FBXO22: variants seen among roughly 807,000 people sequenced by gnomAD.
FBXO22 encodes the protein F-box protein 22, also known as F-box only protein 22.
In FBXO22, 13 loss-of-function variants were observed where a neutral mutation model predicts 37.2. The ratio of observed to expected loss-of-function variants is 0.35; its 90% CI spans 0.23 to 0.56. The LOEUF (loss-of-function observed/expected upper bound fraction) is 0.56. Among genes scored for constraint, FBXO22 ranks in the 20% least tolerant of loss-of-function variants. The pLI is 0.87. For synonymous variants in FBXO22, 189 were observed against 189.1 expected (o/e 1.00, Z 0.00); for missense variants, 446 against 509.9 (o/e 0.87, Z 1.21).
intron 2 of FBXO22, among the ~76,000 whole-genome samples, chr15:75,909,418 G>A (rs1899999491): frequency 6.6e-6 from 1 of 151,988 alleles, no homozygotes; most frequent in Non-Finnish European, 1.5e-5. Context: ...CCTGAAGGAA[G>A]CCTTGCTGGC....
chr15:75,930,027 C>G lies in FBXO22; in HGVS notation c.772C>G (p.Leu258Val). ...IILAGGQVDNLSSLTSEKNPL... is the reference protein window; with the variant it reads ...IILAGGQVDNVSSLTSEKNPL... ...CTTGGCTGGAGGCCAGGTGGACAAC[C>G]TGTCATCACTGACTTCTGAAAAGTA... The change falls in exon 6 of 7, where the codon CTG becomes GTG. Residue 258 changes from leucine to valine, a missense_variant. This residue lies in a region of FBXO22 where 315 missense variants were observed against 410.1 expected (regional missense o/e 0.77). Coordinates refer to ENST00000308275, the MANE Select transcript of FBXO22 (RefSeq NM_147188.3). The G allele has an allele frequency of 6.2e-7, 1 of 1,614,100 alleles. No homozygotes were observed. The highest frequency in any genetic ancestry group is 8.5e-7 in the Non-Finnish European group (1 of 1,179,958).
At chr15:75,922,752 T>G (rs1038792932) in intron 5 of FBXO22, among the ~76,000 whole-genome samples, 6 of 152,118 alleles carry the variant, frequency 3.9e-5, no homozygotes, top group African/African-American at 1.2e-4. Flanking sequence ...GAGACCACTT[T>G]AGAGTCCAGG....
Position 75,904,068 on chromosome 15 carries a change from C to T in FBXO22, c.105C>T (p.Thr35=), listed in dbSNP as rs1595908814. 6.4e-7 allele frequency: 1 copy of T among 1,552,160 alleles called. No homozygotes were observed. Among genetic ancestry groups the T allele is most frequent in the East Asian group, 2.4e-5 (1 of 41,448 alleles). The change falls in exon 1 of 7, where the codon ACC becomes ACT. Residue 35 remains threonine, a synonymous_variant. Transcript: ENST00000308275. The part of the protein sequence containing the change: ...NLAEVVERVL[T]FLPAKALLRV... Reference sequence around the variant, plus strand: ...CGGAGGTGGTGGAGCGTGTGCTCACCTTCCTGCCCGCCAAGGCGTTGCTGC... The same window carrying T: ...CGGAGGTGGTGGAGCGTGTGCTCACTTTCCTGCCCGCCAAGGCGTTGCTGC...
At chr15:75,930,923 C>A in intron 6 of FBXO22, 1 of 916,558 alleles carries the variant, frequency 1.1e-6, no homozygotes, top group Non-Finnish European at 1.3e-6. Flanking sequence ...TTCTGGTTAT[C>A]TCTATGAGCT....
chr15:75,905,701 T>A (rs909732290), intron 2 of FBXO22: 2 of 152,250 alleles, frequency 1.3e-5, no homozygotes, highest in Admixed American at 1.3e-4. Context: ...GAACAGTTTC[T>A]CAAGCTTTGC....
At chr15:75,910,144 C>T (rs932834148) in intron 2 of FBXO22, among the ~76,000 whole-genome samples, 20 of 152,218 alleles carry the variant, frequency 1.3e-4, no homozygotes, top group African/African-American at 2.4e-5. Context: ...ATCTGTGCCA[C>T]ATTTTCTTCA....
At chr15:75,922,603 G>T (rs1419391422) in intron 5 of FBXO22, among the ~76,000 whole-genome samples, 1 of 152,176 alleles carries the variant, frequency 6.6e-6, no homozygotes, top group Non-Finnish European at 1.5e-5. Flanking sequence ...GAAGTCATGG[G>T]AACAAAGGGT....
intron 2 of FBXO22, 21 bp from the exon 3 acceptor site, chr15:75,913,182 A>ATTTTTTTTTTTTTTT: frequency 1.7e-6 from 2 of 1,178,226 alleles, no homozygotes; most frequent in Admixed American, 2.1e-5. Flanking sequence ...TCCAATTCCA[A>ATTTTTTTTTTTTTTT]TTTTTTTTTT....
Position 75,941,429 on chromosome 15 carries a change from A to G in FBXO22, c.*8327A>G, listed in dbSNP as rs1266869998. On this transcript the variant is annotated 3_prime_UTR_variant, in exon 7 of 7. Coordinates refer to ENST00000308275, the MANE Select transcript of FBXO22 (RefSeq NM_147188.3). ...TCAGCAATTGCATTTCTGGGTATATACACAAAATAATTGAAAGCGGAGGCT... is the reference window on the plus strand; with the variant it reads ...TCAGCAATTGCATTTCTGGGTATATGCACAAAATAATTGAAAGCGGAGGCT... 1 of 152,220 alleles carries G rather than the reference A, an allele frequency of 6.6e-6. No homozygotes were observed. The highest frequency in any genetic ancestry group is 2.4e-5 in the African/African-American group (1 of 41,466). 9.4% of individuals were successfully genotyped at this position (152,220 alleles called of 1,614,324 possible).
intron 4 of FBXO22, among the ~76,000 whole-genome samples, chr15:75,915,137 A>G (rs770522093): frequency 2.0e-5 from 3 of 151,734 alleles, no homozygotes; most frequent in Non-Finnish European, 4.4e-5. Context: ...CACCTGGCTA[A>G]TTTTTGTATT....
intron 2 of FBXO22, among the ~76,000 whole-genome samples, chr15:75,908,631 C>T (rs541039902): frequency 4.7e-4 from 71 of 152,266 alleles, no homozygotes; most frequent in African/African-American, 1.6e-3. Context: ...TCAGATGACT[C>T]GAAGGTCAGG....
At chr15:75,923,793 C>T (rs1297629086) in intron 5 of FBXO22, among the ~76,000 whole-genome samples, 3 of 151,996 alleles carry the variant, frequency 2.0e-5, no homozygotes, top group Non-Finnish European at 4.4e-5. Flanking sequence ...ATGCAGGAGA[C>T]ACAGACTGTT....
intron 6 of FBXO22, among the ~76,000 whole-genome samples, chr15:75,931,494 T>TA (rs1369806725): frequency 6.6e-6 from 1 of 152,224 alleles, no homozygotes; most frequent in Admixed American, 6.5e-5. Flanking sequence ...GGAAATGTGA[T>TA]AAAGTTTTAA....
At position 75,940,929 on chromosome 15, in the gene FBXO22, GA is replaced by G. The variant is rs1196806879; in HGVS notation, c.*7833del. On this transcript the variant is annotated 3_prime_UTR_variant, in exon 7 of 7. Coordinates refer to ENST00000308275, the MANE Select transcript of FBXO22 (RefSeq NM_147188.3). ...GACACCAAATTCACAGACAACGAAA[GA>G]AAAAATAGGCAAATTATACTTCATT... The G allele has an allele frequency of 3.9e-5, 6 of 151,958 alleles. No individual in the cohort carries two copies. The highest frequency in any genetic ancestry group is 1.5e-4 in the African/African-American group (6 of 41,376). 9.4% of individuals were successfully genotyped at this position (151,958 alleles called of 1,614,324 possible).
At chr15:75,906,788 A>G (rs74024018) in intron 2 of FBXO22, among the ~76,000 whole-genome samples, 2,368 of 152,298 alleles carry the variant, frequency 0.016, 62 homozygotes, top group African/African-American at 0.054. Flanking sequence ...TCATTTGGAA[A>G]AATTCAAAAT....
chr15:75,933,207 CT>C lies in FBXO22; in HGVS notation c.*111del, dbSNP rs1226012975. On this transcript the variant is annotated 3_prime_UTR_variant, in exon 7 of 7. Transcript: ENST00000308275. ...CAAACAAAAATAACTTTAGATATAT[CT>C]TTTTTGTAGCTTTGATTGATGCTCT... is the stretch of plus-strand genomic sequence containing the variant. 25 of 936,822 alleles carry C rather than the reference CT, an allele frequency of 2.7e-5. No individual in the cohort carries two copies. The highest frequency in any genetic ancestry group is 3.7e-5 in the Non-Finnish European group (23 of 629,854). 58.0% of individuals were successfully genotyped at this position (936,822 alleles called of 1,614,324 possible).
intron 2 of FBXO22, among the ~76,000 whole-genome samples, chr15:75,905,234 G>T (rs1899901620): frequency 6.6e-6 from 1 of 152,200 alleles, no homozygotes; most frequent in African/African-American, 2.4e-5. Flanking sequence ...TTACCGGGAA[G>T]ACAACTGGGT....
At position 75,907,793 on chromosome 15, in the gene FBXO22, G is replaced by A. The variant is rs77164215; in HGVS notation, c.279+3164G>A. Among the ~76,000 whole-genome samples, 51 of 152,004 alleles carry A rather than the reference G, an allele frequency of 3.4e-4. No homozygotes were observed. The East Asian group carries it at 9.6e-3, about 29-fold the overall frequency. On this transcript the variant is annotated intron_variant, in intron 2 of 6. Transcript: ENST00000308275. ...TAAATAAAAATATTAAAGTACAAAAGTTGGCTGGGCATGTTAGTGCAAACC... is the reference window on the plus strand; with the variant it reads ...TAAATAAAAATATTAAAGTACAAAAATTGGCTGGGCATGTTAGTGCAAACC...
At position 75,940,470 on chromosome 15, in the gene FBXO22, T is replaced by C. The variant is rs1397828636; in HGVS notation, c.*7368T>C. On this transcript the variant is annotated 3_prime_UTR_variant, in exon 7 of 7. Coordinates refer to ENST00000308275, the MANE Select transcript of FBXO22 (RefSeq NM_147188.3). Reference sequence around the variant, plus strand: ...ATCCTAGGATTTTTTTTTTTTTTTTTGCAGAAATAGAAAAACCCATCCTGA... The same window carrying C: ...ATCCTAGGATTTTTTTTTTTTTTTTCGCAGAAATAGAAAAACCCATCCTGA... 6.8e-6 allele frequency: 1 copy of C among 146,110 alleles called. No individual in the cohort carries two copies. Among genetic ancestry groups the C allele is most frequent in the Non-Finnish European group, 1.5e-5 (1 of 65,248 alleles). 9.1% of individuals were successfully genotyped at this position (146,110 alleles called of 1,614,324 possible).
Sources: allele counts gnomAD v4.1 joint callset (sites outside exome capture counted in the v4.1 genomes callset), GRCh38; gene constraint gnomAD v4.1.1; regional missense constraint gnomAD v4.1.1; transcripts MANE v1.5; gene names NCBI Gene and HGNC (gene_info 2026-07-23, HGNC 2026-07-21).